The following RGSL1 variants were observed in gnomAD, a reference collection of about 807,000 sequenced individuals.
RGSL1 encodes regulator of G protein signaling like 1.
A neutral mutation model predicts 124.7 loss-of-function variants in RGSL1; 97 were observed. The observed-to-expected ratio is 0.78, with a 90% confidence interval of 0.66 to 0.92. The LOEUF is 0.92. RGSL1 is among the 40% of genes least tolerant of loss of function. The pLI, the probability that RGSL1 is intolerant of heterozygous loss-of-function variation, is 0.00. For missense variants in RGSL1, 1,233 were observed against 1,288.4 expected, an observed-to-expected ratio of 0.96 and a Z score of 0.66; for synonymous variants, 424 against 438.1, an observed-to-expected ratio of 0.97 and a Z score of 0.40.
chr1:182,491,297 C>A (rs892190145), intron 8 of RGSL1, among the ~76,000 whole-genome samples: 10 of 152,080 alleles, frequency 6.6e-5, no homozygotes, highest in Admixed American at 5.2e-4. Context: ...CTCACTGCAA[C>A]CTCCACCTCC....
chr1:182,452,039 G>A (rs1451515440), intron 1 of RGSL1, among the ~76,000 whole-genome samples: 1 of 151,918 alleles, frequency 6.6e-6, no homozygotes, highest in Non-Finnish European at 1.5e-5. Flanking sequence ...GTGAGAGACA[G>A]GGACAGAGAC....
At chr1:182,527,549 C>T in intron 10 of RGSL1, 30 bp from the exon 11 acceptor site, 1 of 1,514,544 alleles carries the variant, frequency 6.6e-7, no homozygotes, top group East Asian at 2.5e-5. Context: ...ATTCCTTTCT[C>T]TCTACCAAAG....
intron 4 of RGSL1, among the ~76,000 whole-genome samples, chr1:182,465,807 C>G (rs1010165702): frequency 3.9e-5 from 6 of 152,010 alleles, no homozygotes; most frequent in African/African-American, 1.4e-4. Flanking sequence ...CTTTCTCACT[C>G]CTTCTTTGAG....
chr1:182,527,953 A>G (rs1282283120), intron 11 of RGSL1, among the ~76,000 whole-genome samples, 181 bp downstream of exon 11: 1 of 152,204 alleles, frequency 6.6e-6, no homozygotes, highest in Non-Finnish European at 1.5e-5. Flanking sequence ...TAATAAATTC[A>G]AAGTCTTAAT....
rs145015476 is a variant in RGSL1, at chr1:182,474,385, G to C, written c.1274G>C (p.Arg425Pro). Residue 425 changes from arginine to proline, a missense_variant, in exon 6 of 22, where the codon CGT becomes CCT. Coordinates refer to ENST00000294854, the MANE Select transcript of RGSL1 (RefSeq NM_001137669.2). ...AAAAAGAATGGGAATGCAATCTTTC[G>C]TCACTTGCTGGGTGACAGAATCTGC... Reference protein sequence around the residue: ...NNKKNGNAIFRHLLGDRICEL... With the variant: ...NNKKNGNAIFPHLLGDRICEL... 4 of 1,551,870 alleles carry C rather than the reference G, an allele frequency of 2.6e-6. No individual in the cohort carries two copies. Among genetic ancestry groups the C allele is most frequent in the East Asian group, 4.9e-5 (2 of 40,932 alleles).
intron 6 of RGSL1, among the ~76,000 whole-genome samples, chr1:182,476,222 C>T (rs185045233): frequency 2.0e-5 from 3 of 152,230 alleles, no homozygotes; most frequent in Non-Finnish European, 2.9e-5. Flanking sequence ...TTTTGTGGAG[C>T]CATTTTACGA....
At chr1:182,462,398 T>C (rs1429252676) in intron 4 of RGSL1, among the ~76,000 whole-genome samples, 5 of 152,166 alleles carry the variant, frequency 3.3e-5, no homozygotes, top group Non-Finnish European at 7.3e-5. Context: ...CTTGAAGCCA[T>C]ATGTAGTAAA....
At chr1:182,508,293 T>TTTTTG (rs1558335049) in intron 9 of RGSL1, among the ~76,000 whole-genome samples, 4 of 132,482 alleles carry the variant, frequency 3.0e-5, no homozygotes, top group African/African-American at 1.2e-4. Flanking sequence ...TGGTGGTGTT[T>TTTTTG]TTTTTTTTTT....
Position 182,547,689 on chromosome 1 carries a change from G to A in RGSL1, c.2670-628G>A, listed in dbSNP as rs151277378. On this transcript the variant is annotated intron_variant, in intron 15 of 21. Transcript: ENST00000294854. ...ATCCTGGGTAACATGGTGAAATCCCGTCTCTACTAAAAATACAAAAAATTA... is the reference window on the plus strand; with the variant it reads ...ATCCTGGGTAACATGGTGAAATCCCATCTCTACTAAAAATACAAAAAATTA... 4.9e-3 allele frequency among the ~76,000 whole-genome samples: 744 copies of A among 152,106 alleles called. 5 individuals carry two copies. The highest frequency in any genetic ancestry group is 0.017 in the African/African-American group (712 of 41,476).
At chr1:182,448,785 T>C (rs1291428265), upstream of RGSL1, among the ~76,000 whole-genome samples, 1 of 152,312 alleles carries the variant, frequency 6.6e-6, no homozygotes, top group East Asian at 1.9e-4. Context: ...ATTTAGCCAG[T>C]GATACTGGCT....
intron 15 of RGSL1, among the ~76,000 whole-genome samples, chr1:182,547,549 A>G (rs1660289377): frequency 6.6e-6 from 1 of 152,122 alleles, no homozygotes; most frequent in South Asian, 2.1e-4. Flanking sequence ...ACCAGACTAG[A>G]TTATTCTCCT....
At chr1:182,499,493 C>T (rs1158915526) in intron 9 of RGSL1, among the ~76,000 whole-genome samples, 1 of 152,110 alleles carries the variant, frequency 6.6e-6, no homozygotes. Flanking sequence ...AGAATAGCAA[C>T]CTCTGCCTTT....
At chr1:182,557,924 G>A (rs555493952) in intron 21 of RGSL1, among the ~76,000 whole-genome samples, 1 of 152,126 alleles carries the variant, frequency 6.6e-6, no homozygotes, top group Non-Finnish European at 1.5e-5. Flanking sequence ...AATGAGTAAC[G>A]CAGTCCATGA....
rs113577909 is a variant in RGSL1, at chr1:182,522,343, ACATCT to A, written c.1931+238_1931+242del. Among the ~76,000 whole-genome samples the A allele has an allele frequency of 3.3e-3, 497 of 152,292 alleles. 4 individuals carry two copies. The highest frequency in any genetic ancestry group is 0.011 in the African/African-American group (474 of 41,562). ...ACTTTTCAAACTTAAACTATCATAG[ACATCT>A]CATGTCTGTATGTGCAGATCTACCT... On this transcript the variant is annotated intron_variant, in intron 10 of 21. Coordinates refer to ENST00000294854, the MANE Select transcript of RGSL1 (RefSeq NM_001137669.2).
At chr1:182,543,167 A>T (rs1370049098) in intron 15 of RGSL1, among the ~76,000 whole-genome samples, 1 of 152,084 alleles carries the variant, frequency 6.6e-6, no homozygotes, top group Non-Finnish European at 1.5e-5. Flanking sequence ...TCCCCATTCT[A>T]TATGATGTTA....
intron 2 of RGSL1, 40 bp from the exon 3 acceptor site, chr1:182,458,279 A>G (rs373034134): frequency 1.6e-5 from 23 of 1,459,800 alleles, no homozygotes; most frequent in Non-Finnish European, 2.1e-5. Flanking sequence ...CATGAAGAGA[A>G]GCTCTACTCC....
chr1:182,554,811 C>T lies in RGSL1; in HGVS notation c.3197+118C>T, dbSNP rs1298582205. Reference sequence around the variant, plus strand: ...TCATACCCTGCCTCTCCTTGGCATGCAGAACCTAGAAACTGAGCTTGCTGC... The same window carrying T: ...TCATACCCTGCCTCTCCTTGGCATGTAGAACCTAGAAACTGAGCTTGCTGC... On this transcript the variant is annotated intron_variant, in intron 20 of 21. Coordinates refer to ENST00000294854, the MANE Select transcript of RGSL1 (RefSeq NM_001137669.2). 9.9e-5 allele frequency: 99 copies of T among 997,056 alleles called. No individual in the cohort carries two copies. In the South Asian group the frequency reaches 1.3e-3, roughly 13 times the overall value. The allele number at this position is 997,056 out of a possible 1,614,324, so 61.8% of individuals were successfully genotyped here.
At chr1:182,509,643 A>T (rs1657192620) in intron 9 of RGSL1, among the ~76,000 whole-genome samples, 1 of 127,692 alleles carries the variant, frequency 7.8e-6, no homozygotes, top group Admixed American at 7.4e-5. Flanking sequence ...CACCTCCCGG[A>T]CGGGGCGGCT....
rs1438878589 is a variant in RGSL1 at position 182,556,235 on chromosome 1, C to T, written c.*165+13C>T. On this transcript the variant is annotated intron_variant, in intron 21 of 21. Coordinates refer to ENST00000294854, the MANE Select transcript of RGSL1 (RefSeq NM_001137669.2). ...CAGACTGCAATGGGTAAGACTTGGG[C>T]AGAGCATGAGAGGAAGCGCATCTTT... 2.1e-5 allele frequency: 13 copies of T among 622,006 alleles called. No homozygotes were observed. In the African/African-American group the frequency reaches 2.2e-4, roughly 11 times the overall value. The allele number at this position is 622,006 out of a possible 1,614,324, so 38.5% of individuals were successfully genotyped here.
Sources: gnomAD v4.1 joint callset for allele counts (sites outside exome capture counted in the v4.1 genomes callset) on GRCh38, gnomAD v4.1.1 for gene constraint, MANE v1.5 for transcripts, NCBI Gene and HGNC (gene_info 2026-07-23, HGNC 2026-07-21) for gene names.